CELSR2: variants seen among roughly 807,000 people sequenced by gnomAD.
CELSR2 encodes cadherin EGF LAG seven-pass G-type receptor 2, also known as EGF-like protein 2.
Under a neutral mutation model 251.6 loss-of-function variants are expected in CELSR2, and 81 were observed. That is an observed-to-expected ratio of 0.32 (90% CI 0.27 to 0.39). CELSR2 has a LOEUF of 0.39. Among genes scored for constraint, CELSR2 ranks in the 10% least tolerant of loss-of-function variants. The probability of loss-of-function intolerance (pLI) is 1.00; values close to 1 mark genes in which losing one functional copy is unlikely to be tolerated. For synonymous variants in CELSR2, 1,721 were observed against 1,670.5 expected (o/e 1.03, Z -0.74); for missense variants, 3,365 against 3,947.7 (o/e 0.85, Z 3.96).
Position 109,251,730 on chromosome 1 carries a change from T to C in CELSR2, c.1651T>C (p.Phe551Leu), listed in dbSNP as rs199544239. Residue 551 changes from phenylalanine to leucine, a missense_variant, in exon 1 of 34, where the codon TTC becomes CTC. Coordinates refer to ENST00000271332, the MANE Select transcript of CELSR2 (RefSeq NM_001408.3). The surrounding 1 kb of genome is among the most constrained non-coding windows in gnomAD (Gnocchi z 4.9). ...CCGCCTTGCTGGGGTGGGACATGAC[T>C]TCCCCTTCACCATCAACAATGGCAC... ...EYRLAGVGHDFPFTINNGTGW... is the reference protein window; with the variant it reads ...EYRLAGVGHDLPFTINNGTGW... 1.1e-4 allele frequency: 171 copies of C among 1,613,970 alleles called. No homozygotes were observed. The highest frequency in any genetic ancestry group is 1.4e-4 in the Non-Finnish European group (161 of 1,180,038).
At position 109,252,404 on chromosome 1, in the gene CELSR2, T is replaced by C. The variant is rs413380; in HGVS notation, c.2325T>C (p.Tyr775=). The change falls in exon 1 of 34, where the codon TAT becomes TAC. Residue 775 remains tyrosine (Y), a synonymous_variant. Transcript: ENST00000271332. This position sits in a 1 kb window ranked among gnomAD's most constrained non-coding sequence, Gnocchi z 4.8. ...TCACCACCCAGGCTGAGCTGGACTA[T>C]GAAGACCAAGTGTCTTACACCCTGG... is the stretch of plus-strand genomic sequence containing the variant. ...GAVTTQAELD[Y]EDQVSYTLAI... 1,538,598 of 1,613,170 alleles carry C rather than the reference T, an allele frequency of 0.95. 735,400 individuals are homozygous for C. Among genetic ancestry groups the C allele is most frequent in the East Asian group, 1 (44,860 of 44,878 alleles).
At chr1:109,266,845 G>A (rs909864418) in intron 15 of CELSR2, among the ~76,000 whole-genome samples, 3 of 150,098 alleles carry the variant, frequency 2.0e-5, no homozygotes, top group African/African-American at 4.9e-5. Flanking sequence ...TCAGCCTTCC[G>A]AGTAGCTGGT....
rs748342936 is a variant in CELSR2 at position 109,252,109 on chromosome 1, T to G, written c.2030T>G (p.Leu677Arg). Reference protein sequence around the residue: ...VSLALPLDYKLERQYVLAVTA... With the variant: ...VSLALPLDYKRERQYVLAVTA... ...CTTGCCCTGCCACTGGACTACAAAC[T>G]TGAGCGGCAGTATGTGTTGGCTGTT... Residue 677 changes from leucine to arginine, a missense_variant, in exon 1 of 34, where the codon CTT (leucine) becomes CGT (arginine). Physicochemically the swap from Leu to Arg is moderately radical, Grantham distance 102. Around this residue, in one of 5 missense-constraint regions of CELSR2, gnomAD observed 505 missense variants for 660.0 expected, o/e 0.77. Coordinates refer to ENST00000271332, the MANE Select transcript of CELSR2 (RefSeq NM_001408.3). This position sits in a 1 kb window ranked among gnomAD's most constrained non-coding sequence, Gnocchi z 4.8. 1.9e-5 allele frequency: 31 copies of G among 1,614,102 alleles called. No homozygotes were observed. Among genetic ancestry groups the G allele is most frequent in the Non-Finnish European group, 2.3e-5 (27 of 1,180,024 alleles).
rs770372678 is a variant in CELSR2 at position 109,267,904 on chromosome 1, G to A, written c.6162G>A (p.Gln2054=). 4 of 1,610,722 alleles carry A rather than the reference G, an allele frequency of 2.5e-6. No homozygotes were observed. In the Admixed American group the frequency reaches 5.0e-5, roughly 20 times the overall value. The change falls in exon 17 of 34, where the codon CAG becomes CAA. Residue 2054 remains glutamine, a synonymous_variant. Transcript: ENST00000271332. ...GCCTAGACTCAGGGCGCTCCCAGCA[G>A]CTAGCCCTGCTCCTGCGCAACGCCA... ...ESGLDSGRSQ[Q]LALLLRNATQ...
In CELSR2 at chr1:109,270,920, G is replaced by C. The variant is rs1570793608; in HGVS notation, c.7484-7G>C. ...CTCCACTGCTCCCGTCTGTCTCCAT[G>C]CTCCAGGGCTAGCCGTGGGCCTGGA... On this transcript the variant is annotated splice_polypyrimidine_tract_variant and splice_region_variant and intron_variant, in intron 24 of 33. Transcript: ENST00000271332. The C allele has an allele frequency of 1.9e-5, 31 of 1,606,196 alleles. No individual in the cohort carries two copies. Among genetic ancestry groups the C allele is most frequent in the Non-Finnish European group, 2.6e-5 (30 of 1,174,836 alleles).
rs768243679 is a variant in CELSR2, at chr1:109,252,390, G to T, written c.2311G>T (p.Ala771Ser). The T allele has an allele frequency of 6.2e-7, 1 of 1,613,122 alleles. No individual in the cohort carries two copies. Among genetic ancestry groups the T allele is most frequent in the South Asian group, 1.1e-5 (1 of 91,090 alleles). The change falls in exon 1 of 34, where the codon GCT becomes TCT. Residue 771 changes from alanine (A) to serine (S), a missense_variant. Physicochemically the swap from Ala to Ser is moderately conservative, Grantham distance 99. This residue lies in a region of CELSR2 where 505 missense variants were observed against 660.0 expected (regional missense o/e 0.77). Coordinates refer to ENST00000271332, the MANE Select transcript of CELSR2 (RefSeq NM_001408.3). The surrounding 1 kb of genome is among the most constrained non-coding windows in gnomAD (Gnocchi z 4.8). ...DADTGAVTTQ[A>S]ELDYEDQVSY... Reference sequence around the variant, plus strand: ...AGACACGGGGGCTGTCACCACCCAGGCTGAGCTGGACTATGAAGACCAAGT... The same window carrying T: ...AGACACGGGGGCTGTCACCACCCAGTCTGAGCTGGACTATGAAGACCAAGT...
In CELSR2 at chr1:109,250,685, C is replaced by T. The variant is rs745379654; in HGVS notation, c.606C>T (p.Ser202=). 3.1e-6 allele frequency: 5 copies of T among 1,614,006 alleles called. No individual in the cohort carries two copies. The highest frequency in any genetic ancestry group is 3.3e-4 in the Middle Eastern group (2 of 6,084). Residue 202 remains serine, a synonymous_variant, in exon 1 of 34, where the codon TCC becomes TCT. Coordinates refer to ENST00000271332, the MANE Select transcript of CELSR2 (RefSeq NM_001408.3). This position sits in a 1 kb window ranked among gnomAD's most constrained non-coding sequence, Gnocchi z 4.4. The part of the protein sequence containing the change: ...ENQPAGTPVA[S]LRAIDPDEGE... The stretch of plus-strand genomic sequence containing the variant: ...AGCCAGCAGGCACCCCTGTTGCATC[C>T]CTGAGGGCCATCGACCCGGACGAGG...
chr1:109,261,699 C>T lies in CELSR2; in HGVS notation c.4297+71C>T. The T allele has an allele frequency of 6.4e-7, 1 of 1,552,352 alleles. No individual in the cohort carries two copies. Among genetic ancestry groups the T allele is most frequent in the Non-Finnish European group, 8.9e-7 (1 of 1,126,604 alleles). Reference sequence around the variant, plus strand: ...AAGTCTTCCAGCCCCTGACCCCAAGCCACATACTCTATCAGCCAAATCTGG... The same window carrying T: ...AAGTCTTCCAGCCCCTGACCCCAAGTCACATACTCTATCAGCCAAATCTGG... On this transcript the variant is annotated intron_variant, in intron 4 of 33. Transcript: ENST00000271332. The surrounding 1 kb of genome is among the most constrained non-coding windows in gnomAD (Gnocchi z 4.8).
In CELSR2 at chr1:109,250,591, G is replaced by A. The variant is rs1216833935; in HGVS notation, c.512G>A (p.Arg171Gln). The part of the protein sequence containing the change: ...RSPEESLGGR[R>Q]KRNVNTAPQF... ...CCAGAAGAGTCCCTGGGTGGGCGTCGGAAAAGGAATGTAAATACAGCCCCC... is the reference window on the plus strand; with the variant it reads ...CCAGAAGAGTCCCTGGGTGGGCGTCAGAAAAGGAATGTAAATACAGCCCCC... Residue 171 changes from arginine to glutamine, a missense_variant, in exon 1 of 34, where the codon CGG becomes CAG. Physicochemically the swap from Arg to Gln is conservative, Grantham distance 43. Coordinates refer to ENST00000271332, the MANE Select transcript of CELSR2 (RefSeq NM_001408.3). The surrounding 1 kb of genome is among the most constrained non-coding windows in gnomAD (Gnocchi z 4.4). The A allele has an allele frequency of 1.9e-6, 3 of 1,613,906 alleles. No individual in the cohort carries two copies. The highest frequency in any genetic ancestry group is 1.1e-5 in the South Asian group (1 of 91,078).
rs1050683335 is a variant in CELSR2 at position 109,273,225 on chromosome 1, G to C, written c.8398G>C (p.Glu2800Gln). Residue 2800 changes from glutamate (E) to glutamine (Q), a missense_variant, in exon 32 of 34, where the codon GAG becomes CAG. Transcript: ENST00000271332. ...AGGAGACTTTGGGACCACAGCAAAA[G>C]AGAGTAGTGGCAACGGGGCCCCTGA... ...WPGDFGTTAKESSGNGAPEER... is the reference protein window; with the variant it reads ...WPGDFGTTAKQSSGNGAPEER... 1 of 1,613,620 alleles carries C rather than the reference G, an allele frequency of 6.2e-7. No individual in the cohort carries two copies. The highest frequency in any genetic ancestry group is 1.7e-4 in the Middle Eastern group (1 of 6,058).
In CELSR2 at chr1:109,253,103, A is replaced by G. The variant is rs1655746173; in HGVS notation, c.3024A>G (p.Thr1008=). ...CAGCTCCTCTGGTGAGCCGGGCTACAGTCCACGTCCGCCTCCTTGACCGCA... is the reference window on the plus strand; with the variant it reads ...CAGCTCCTCTGGTGAGCCGGGCTACGGTCCACGTCCGCCTCCTTGACCGCA... ...ATSAPLVSRA[T]VHVRLLDRND... The change falls in exon 1 of 34, where the codon ACA becomes ACG. Residue 1008 remains threonine, a synonymous_variant. Transcript: ENST00000271332. The G allele has an allele frequency of 1.9e-6, 3 of 1,613,804 alleles. No homozygotes were observed. The highest frequency in any genetic ancestry group is 1.1e-5 in the South Asian group (1 of 91,080).
rs1310289266 is a variant in CELSR2, at chr1:109,259,094, G to C, written c.3958+15G>C. 1 of 1,551,324 alleles carries C rather than the reference G, an allele frequency of 6.4e-7. No individual in the cohort carries two copies. Among genetic ancestry groups the C allele is most frequent in the Admixed American group, 1.8e-5 (1 of 54,596 alleles). ...TGGCTACACGGGTGAGCCAAGGGAG[G>C]GGACTCATGGGCCAGCCCTGGAAGG... On this transcript the variant is annotated intron_variant, in intron 2 of 33. Coordinates refer to ENST00000271332, the MANE Select transcript of CELSR2 (RefSeq NM_001408.3).
Position 109,265,873 on chromosome 1 carries a change from C to G in CELSR2, c.5866C>G (p.Arg1956Gly), listed in dbSNP as rs144396918. 1.3e-5 allele frequency: 21 copies of G among 1,613,998 alleles called. No individual in the cohort carries two copies. The African/African-American group carries it at 2.7e-4, about 20-fold the overall frequency. The change falls in exon 14 of 34, where the codon CGC becomes GGC. Residue 1956 changes from arginine (R) to glycine (G), a missense_variant. Physicochemically the swap from Arg to Gly is moderately radical, Grantham distance 125. Transcript: ENST00000271332. The stretch of plus-strand genomic sequence containing the variant: ...AGGTGTCATCGGGCGTCAGTGTGAC[C>G]GCTGTGACAACCCTTTTGCTGAGGT... The part of the protein sequence containing the change: ...KPGVIGRQCD[R>G]CDNPFAEVTT...
chr1:109,269,783 C>T lies in CELSR2; in HGVS notation c.7070C>T (p.Thr2357Met), dbSNP rs371466342. 2.9e-5 allele frequency: 46 copies of T among 1,613,502 alleles called. No homozygotes were observed. Among genetic ancestry groups the T allele is most frequent in the South Asian group, 4.4e-5 (4 of 91,078 alleles). Residue 2357 changes from threonine to methionine, a missense_variant, in exon 22 of 34, where the codon ACG becomes ATG. Around this residue, in one of 5 missense-constraint regions of CELSR2, gnomAD observed 2,093 missense variants for 2,382.8 expected, o/e 0.88. Coordinates refer to ENST00000271332, the MANE Select transcript of CELSR2 (RefSeq NM_001408.3). This position sits in a 1 kb window ranked among gnomAD's most constrained non-coding sequence, Gnocchi z 6.4. ...GTCAGCTGCCAGTGCAACCACATGACGAGCTTCGCTGTGCTCATGGACGTT... is the reference window on the plus strand; with the variant it reads ...GTCAGCTGCCAGTGCAACCACATGATGAGCTTCGCTGTGCTCATGGACGTT... ...SHVSCQCNHM[T>M]SFAVLMDVSR...
rs201708082 is a variant in CELSR2 at position 109,271,663 on chromosome 1, G to T, written c.7867G>T (p.Ala2623Ser). 1.8e-5 allele frequency: 29 copies of T among 1,614,016 alleles called. No homozygotes were observed. The Admixed American group carries it at 3.2e-4, about 18-fold the overall frequency. The change falls in exon 28 of 34, where the codon GCC becomes TCC. Residue 2623 changes from alanine to serine, a missense_variant. Ala to Ser is a moderately conservative substitution (Grantham distance 99, BLOSUM62 1). Around this residue, in one of 5 missense-constraint regions of CELSR2, gnomAD observed 2,093 missense variants for 2,382.8 expected, o/e 0.88. Coordinates refer to ENST00000271332, the MANE Select transcript of CELSR2 (RefSeq NM_001408.3). ...GGAGGTCCGGAAAGCACTCAAGCTT[G>T]CCTGCAGCCGCAAGCCCAGCCCTGA... is the stretch of plus-strand genomic sequence containing the variant. ...SKEVRKALKL[A>S]CSRKPSPDPA...
chr1:109,272,840 C>T lies in CELSR2; in HGVS notation c.8151C>T (p.Asp2717=), dbSNP rs1197170656. The part of the protein sequence containing the change: ...LEGQDQQHDP[D]TDSDSDLSLE... ...CTCTCCCTGGCCTCCTAGATCCTGACACGGACTCCGACAGTGACCTGTCCT... is the reference window on the plus strand; with the variant it reads ...CTCTCCCTGGCCTCCTAGATCCTGATACGGACTCCGACAGTGACCTGTCCT... The change falls in exon 31 of 34, where the codon GAC becomes GAT. Residue 2717 remains aspartate (D), a synonymous_variant. Transcript: ENST00000271332. 6.2e-7 allele frequency: 1 copy of T among 1,612,996 alleles called. No homozygotes were observed. Among genetic ancestry groups the T allele is most frequent in the Non-Finnish European group, 8.5e-7 (1 of 1,179,250 alleles).
At chr1:109,253,804 A>G (rs1655772065) in intron 1 of CELSR2, among the ~76,000 whole-genome samples, 1 of 152,228 alleles carries the variant, frequency 6.6e-6, no homozygotes, top group African/African-American at 2.4e-5. Flanking sequence ...ACCCCCATCA[A>G]GATATTCCTG....
Position 109,253,207 on chromosome 1 carries a change from G to C in CELSR2, c.3128G>C (p.Gly1043Ala). 1 of 1,613,572 alleles carries C rather than the reference G, an allele frequency of 6.2e-7. No individual in the cohort carries two copies. The highest frequency in any genetic ancestry group is 8.5e-7 in the Non-Finnish European group (1 of 1,180,042). Reference protein sequence around the residue: ...YVTNRSSSFPGGAIGRVPAHD... With the variant: ...YVTNRSSSFPAGAIGRVPAHD... ...ACCAATCGCTCAAGCAGCTTCCCTG[G>C]GGGTGCCATTGGCCGAGTACCTGCC... is the stretch of plus-strand genomic sequence containing the variant. The change falls in exon 1 of 34, where the codon GGG (glycine) becomes GCG (alanine). Residue 1043 changes from glycine to alanine, a missense_variant. Coordinates refer to ENST00000271332, the MANE Select transcript of CELSR2 (RefSeq NM_001408.3).
chr1:109,265,986 C>A, intron 14 of CELSR2, 68 bp downstream of exon 14: 1 of 1,582,292 alleles, frequency 6.3e-7, no homozygotes, highest in Non-Finnish European at 8.6e-7. Flanking sequence ...CCAGGAAAGC[C>A]AGGAAGGGGC....
Sources: gnomAD v4.1 joint callset for allele counts (sites outside exome capture counted in the v4.1 genomes callset) on GRCh38, gnomAD v4.1.1 for gene constraint, gnomAD v4.1.1 regional missense constraint, Gnocchi (gnomAD v3.1) non-coding constraint, MANE v1.5 for transcripts, NCBI Gene and HGNC (gene_info 2026-07-23, HGNC 2026-07-21) for gene names.